ENOX1: variants seen among roughly 807,000 people sequenced by gnomAD.
ENOX1 encodes the protein ecto-NOX disulfide-thiol exchanger 1, also known as candidate growth-related and time keeping constitutive hydroquinone (NADH) oxidase.
Under a neutral mutation model 82.5 loss-of-function variants are expected in ENOX1, and 42 were observed. The observed-to-expected ratio is 0.51, with a 90% CI of 0.40 to 0.66. ENOX1 has a LOEUF of 0.66. Ranked by LOEUF, ENOX1 falls within the 30% of genes least tolerant of loss-of-function variation. The pLI, the probability that ENOX1 is intolerant of heterozygous loss-of-function variation, is 0.00. For missense variants in ENOX1, 608 were observed against 811.6 expected (o/e 0.75, Z 3.05); for synonymous variants, 271 against 282.2 (o/e 0.96, Z 0.40).
At chr13:43,775,940 A>G (rs1034116406) in intron 1 of ENOX1, among the ~76,000 whole-genome samples, 6 of 149,976 alleles carry the variant, frequency 4.0e-5, no homozygotes, top group East Asian at 3.9e-4. Context: ...CCTTGTTTGA[A>G]GATGCTACTT....
chr13:43,387,178 T>G (rs980135216), intron 5 of ENOX1, among the ~76,000 whole-genome samples: 2 of 152,182 alleles, frequency 1.3e-5, no homozygotes, highest in Admixed American at 1.3e-4. Context: ...TTGATAGACA[T>G]AATCAAAAGG....
intron 2 of ENOX1, among the ~76,000 whole-genome samples, chr13:43,505,197 T>C (rs780444913): frequency 1.3e-5 from 2 of 151,910 alleles, no homozygotes; most frequent in Admixed American, 1.3e-4. Context: ...ACTTATTCCA[T>C]GCCTTCTCAG....
chr13:43,522,728 T>C lies in ENOX1; in HGVS notation c.-218-38576A>G, dbSNP rs554828709. Among the ~76,000 whole-genome samples the C allele has an allele frequency of 5.3e-5, 8 of 152,272 alleles. No homozygotes were observed. The South Asian group carries it at 1.7e-3, about 32-fold the overall frequency. ...TGCTTTAGTGCACTGGTACCCAGAT[T>C]TGTGGATTTCATGCTACTGTAAAAA... On this transcript the variant is annotated intron_variant, in intron 2 of 16. Transcript: ENST00000690772.
intron 5 of ENOX1, among the ~76,000 whole-genome samples, chr13:43,395,621 C>T (rs1321257646): frequency 6.6e-6 from 1 of 152,226 alleles, no homozygotes; most frequent in Non-Finnish European, 1.5e-5. Context: ...GTGTGATTAT[C>T]TTCCTATATA....
At chr13:43,394,929 T>C (rs1484788875) in intron 5 of ENOX1, 1 of 151,912 alleles carries the variant, frequency 6.6e-6, no homozygotes, top group Non-Finnish European at 1.5e-5. Flanking sequence ...AGCAGATAGA[T>C]TTCTTCACAT....
intron 5 of ENOX1, among the ~76,000 whole-genome samples, chr13:43,390,177 T>C (rs1189263608): frequency 1.3e-5 from 2 of 152,100 alleles, no homozygotes; most frequent in Non-Finnish European, 2.9e-5. Flanking sequence ...CTTCAGTCAG[T>C]TTCACAATAA....
intron 2 of ENOX1, among the ~76,000 whole-genome samples, chr13:43,565,392 T>C (rs1219147786): frequency 2.0e-5 from 3 of 152,268 alleles, no homozygotes; most frequent in African/African-American, 7.2e-5. Flanking sequence ...TTCTGTTGAC[T>C]GCCAGAGCTT....
At chr13:43,767,963 G>A (rs904820529) in intron 1 of ENOX1, among the ~76,000 whole-genome samples, 3 of 152,322 alleles carry the variant, frequency 2.0e-5, no homozygotes, top group East Asian at 3.9e-4. Context: ...AGTCGGGGGG[G>A]AGCGGAGGGG....
intron 1 of ENOX1, among the ~76,000 whole-genome samples, chr13:43,741,131 C>T (rs987357102): frequency 2.7e-5 from 4 of 146,176 alleles, no homozygotes; most frequent in African/African-American, 1.0e-4. Context: ...GTGATCCAGG[C>T]TGGAGTGCAA....
At chr13:43,768,003 C>G (rs1392838519) in intron 1 of ENOX1, among the ~76,000 whole-genome samples, 1 of 151,246 alleles carries the variant, frequency 6.6e-6, no homozygotes, top group Non-Finnish European at 1.5e-5. Context: ...CCACAAAGAA[C>G]TGTTCCATAT....
intron 2 of ENOX1, among the ~76,000 whole-genome samples, chr13:43,528,589 T>C (rs567698903): frequency 1.6e-4 from 25 of 152,230 alleles, no homozygotes; most frequent in Admixed American, 5.9e-4. Flanking sequence ...ATTTAAAAAA[T>C]TGTATCTCTT....
chr13:43,248,589 CT>C lies in ENOX1; in HGVS notation c.1612-11852del, dbSNP rs529621171. Reference sequence around the variant, plus strand: ...GGAGACCAAACCATAAGCTTATAACCTTTTTTCCTTTCTTTTCCAAAATATA... The same window carrying C: ...GGAGACCAAACCATAAGCTTATAACCTTTTTCCTTTCTTTTCCAAAATATA... On this transcript the variant is annotated intron_variant, in intron 14 of 16. Coordinates refer to ENST00000690772, the MANE Select transcript of ENOX1 (RefSeq NM_001347969.2). Among the ~76,000 whole-genome samples the C allele has an allele frequency of 6.6e-4, 100 of 151,892 alleles. 1 individual carries two copies. Among genetic ancestry groups the C allele is most frequent in the African/African-American group, 2.3e-3 (96 of 41,442 alleles).
rs759860741 is a variant in ENOX1, at chr13:43,213,875, C to T, written c.*115G>A. ...CACAGATATAACTAAAGGCAGGCTT[C>T]GATGGCTCCACAAAGGTTGCGTGCT... is the stretch of plus-strand genomic sequence containing the variant. On this transcript the variant is annotated 3_prime_UTR_variant, in exon 17 of 17. Coordinates refer to ENST00000690772, the MANE Select transcript of ENOX1 (RefSeq NM_001347969.2). 62 of 1,185,490 alleles carry T rather than the reference C, an allele frequency of 5.2e-5. No individual in the cohort carries two copies. The African/African-American group carries it at 8.2e-4, about 16-fold the overall frequency. The allele number at this position is 1,185,490 out of a possible 1,614,324, so 73.4% of individuals were successfully genotyped here. A position where few individuals can be genotyped will look rare whatever the true frequency, so the allele number is the denominator to read the frequency against.
chr13:43,231,762 C>G (rs1460197589), intron 15 of ENOX1, among the ~76,000 whole-genome samples: 2 of 152,172 alleles, frequency 1.3e-5, no homozygotes, highest in African/African-American at 2.4e-5. Context: ...TAATTAACTG[C>G]ATTCTTTCTC....
intron 2 of ENOX1, among the ~76,000 whole-genome samples, chr13:43,606,045 T>C (rs1299517347): frequency 6.6e-6 from 1 of 152,106 alleles, no homozygotes; most frequent in African/African-American, 2.4e-5. Context: ...GGCAAACATG[T>C]ATATGAAAAA....
intron 3 of ENOX1, among the ~76,000 whole-genome samples, chr13:43,457,317 C>T (rs1412080106): frequency 6.6e-6 from 1 of 152,174 alleles, no homozygotes; most frequent in Non-Finnish European, 1.5e-5. Context: ...TTGACAAAAT[C>T]ATTTTACTTC....
intron 2 of ENOX1, among the ~76,000 whole-genome samples, chr13:43,555,066 G>C (rs1404098525): frequency 6.6e-6 from 1 of 152,160 alleles, no homozygotes; most frequent in Non-Finnish European, 1.5e-5. Context: ...AAGAGCTCAA[G>C]TGTCAAATGA....
chr13:43,757,376 C>T (rs939364739), intron 1 of ENOX1, among the ~76,000 whole-genome samples: 4 of 152,170 alleles, frequency 2.6e-5, no homozygotes, highest in African/African-American at 9.7e-5. Flanking sequence ...CTCCAAAGGT[C>T]TTGTGAGCTT....
intron 2 of ENOX1, among the ~76,000 whole-genome samples, chr13:43,528,330 T>C (rs2078068030): frequency 6.6e-6 from 1 of 152,070 alleles, no homozygotes; most frequent in East Asian, 1.9e-4. Context: ...TTTGTATACA[T>C]AGGACTGTTG....
Sources: allele counts gnomAD v4.1 joint callset (sites outside exome capture counted in the v4.1 genomes callset), GRCh38; gene constraint gnomAD v4.1.1; transcripts MANE v1.5; gene names NCBI Gene and HGNC (gene_info 2026-07-23, HGNC 2026-07-21).